Variants in STXBP5L observed in about 807,000 individuals in gnomAD.
STXBP5L encodes syntaxin-binding protein 5-like.
Under a neutral mutation model 144.5 loss-of-function variants are expected in STXBP5L, and 65 were observed. The observed-to-expected ratio is 0.45, with a 90% CI of 0.37 to 0.55. The LOEUF (loss-of-function observed/expected upper bound fraction) is 0.55, where lower values mean the gene tolerates loss of function less well. Among genes scored for constraint, STXBP5L ranks in the 20% least tolerant of loss-of-function variants. The pLI is 0.00. For synonymous variants in STXBP5L, 505 were observed against 469.6 expected (o/e 1.08, Z -0.97); for missense variants, 1,298 against 1,405.5 (o/e 0.92, Z 1.22).
chr3:121,290,779 C>CA (rs2051410272), intron 19 of STXBP5L, among the ~76,000 whole-genome samples: 3 of 151,928 alleles, frequency 2.0e-5, no homozygotes, highest in African/African-American at 7.2e-5. Flanking sequence ...TGTGATACAT[C>CA]ACGAAACAAA....
chr3:121,202,797 A>G (rs1282226115), intron 9 of STXBP5L, among the ~76,000 whole-genome samples: 1 of 151,984 alleles, frequency 6.6e-6, no homozygotes, highest in African/African-American at 2.4e-5. Flanking sequence ...TCTTTTGTAC[A>G]CACTGCTTTC....
rs572894751 is a variant in STXBP5L at position 121,135,585 on chromosome 3, G to T, written c.669+13881G>T. Among the ~76,000 whole-genome samples, 6 of 152,302 alleles carry T rather than the reference G, an allele frequency of 3.9e-5. No homozygotes were observed. The South Asian group carries it at 1.2e-3, about 32-fold the overall frequency. ...CATGCAACCTAGATCCCTTGCATGT[G>T]TACTTTACAGTAGGGTTCACAATCC... is the stretch of plus-strand genomic sequence containing the variant. On this transcript the variant is annotated intron_variant, in intron 7 of 26. Coordinates refer to ENST00000471454, the MANE Select transcript of STXBP5L (RefSeq NM_001308330.2).
chr3:120,995,852 A>G (rs993539908), intron 3 of STXBP5L, among the ~76,000 whole-genome samples: 6 of 152,126 alleles, frequency 3.9e-5, no homozygotes, highest in Admixed American at 6.6e-5. Flanking sequence ...TTCTTATGTT[A>G]CTATTTCCTC....
chr3:121,082,131 G>GT (rs1481524150), intron 5 of STXBP5L, among the ~76,000 whole-genome samples: 2 of 151,812 alleles, frequency 1.3e-5, no homozygotes, highest in Admixed American at 6.6e-5. Flanking sequence ...TTTAGAATAA[G>GT]TTTTTTTACT....
intron 18 of STXBP5L, among the ~76,000 whole-genome samples, chr3:121,268,706 G>T (rs529986372): frequency 6.6e-6 from 1 of 151,976 alleles, no homozygotes; most frequent in Non-Finnish European, 1.5e-5. Context: ...AAAAACCACG[G>T]CCACTTTCTA....
rs2043907645 is a variant in STXBP5L at position 121,319,761 on chromosome 3, A to G, written c.2176+1221A>G. Among the ~76,000 whole-genome samples the G allele has an allele frequency of 2.6e-5, 4 of 152,198 alleles. No homozygotes were observed. In the South Asian group the frequency reaches 6.2e-4, roughly 24 times the overall value. On this transcript the variant is annotated intron_variant, in intron 20 of 26. Transcript: ENST00000471454. ...TTTGATCATATTTTCCCATGCTTATAAATCTTCGATATAAAATATAATTCA... is the reference window on the plus strand; with the variant it reads ...TTTGATCATATTTTCCCATGCTTATGAATCTTCGATATAAAATATAATTCA...
intron 9 of STXBP5L, among the ~76,000 whole-genome samples, chr3:121,184,507 A>T (rs937168464): frequency 6.6e-6 from 1 of 151,852 alleles, no homozygotes; most frequent in Non-Finnish European, 1.5e-5. Context: ...TGAAGACAAG[A>T]TTAGAGAAAG....
intron 4 of STXBP5L, among the ~76,000 whole-genome samples, chr3:121,042,134 C>G (rs1947201669): frequency 6.6e-6 from 1 of 151,842 alleles, no homozygotes; most frequent in Admixed American, 6.6e-5. Flanking sequence ...TAAGGCCTAA[C>G]TTCATATTTT....
At position 121,370,489 on chromosome 3, in the gene STXBP5L, C is replaced by T. The variant is rs571434035; in HGVS notation, c.2177-8227C>T. ...CTCAGAAGCAGAAGCCTGTACAGCC[C>T]GAAGAACCATGAGTTAACTAAACAC... On this transcript the variant is annotated intron_variant, in intron 20 of 26. Transcript: ENST00000471454. Among the ~76,000 whole-genome samples, 65 of 152,244 alleles carry T rather than the reference C, an allele frequency of 4.3e-4. No homozygotes were observed. In the South Asian group the frequency reaches 0.01, roughly 24 times the overall value.
chr3:120,961,962 C>T (rs1938883643), intron 3 of STXBP5L, among the ~76,000 whole-genome samples: 1 of 152,208 alleles, frequency 6.6e-6, no homozygotes, highest in South Asian at 2.1e-4. Context: ...TAATGATTGC[C>T]ATTCCAACTG....
intron 3 of STXBP5L, among the ~76,000 whole-genome samples, chr3:120,968,046 A>G (rs1939805825): frequency 6.6e-6 from 1 of 152,174 alleles, no homozygotes; most frequent in Admixed American, 6.6e-5. Context: ...AGAATGTTGC[A>G]TGTGCTGTTG....
chr3:120,958,279 CA>C (rs1938286657), intron 3 of STXBP5L, among the ~76,000 whole-genome samples: 1 of 151,836 alleles, frequency 6.6e-6, no homozygotes, highest in South Asian at 2.1e-4. Flanking sequence ...GCTTACCAAC[CA>C]AAAAAAGTCC....
chr3:121,055,182 AC>A (rs1358760040), intron 5 of STXBP5L, among the ~76,000 whole-genome samples: 8 of 152,210 alleles, frequency 5.3e-5, no homozygotes, highest in African/African-American at 1.9e-4. Context: ...TTGTCATGTA[AC>A]ATGAGAATAT....
chr3:121,103,167 C>T (rs562620083), intron 5 of STXBP5L, among the ~76,000 whole-genome samples: 2 of 152,040 alleles, frequency 1.3e-5, no homozygotes, highest in Admixed American at 6.6e-5. Flanking sequence ...AACTGAGCTA[C>T]CATTTGACCC....
chr3:121,176,768 A>G (rs77722806), intron 9 of STXBP5L, among the ~76,000 whole-genome samples: 21,003 of 151,852 alleles, frequency 0.14, 1,634 homozygotes, highest in South Asian at 0.27. Context: ...AAAAGGCATG[A>G]GAACAACCAA....
chr3:121,260,041 G>T (rs1197157473), intron 18 of STXBP5L, among the ~76,000 whole-genome samples: 1 of 151,974 alleles, frequency 6.6e-6, no homozygotes, highest in African/African-American at 2.4e-5. Flanking sequence ...CACAGAGGTT[G>T]TGTCAAACTA....
At chr3:121,135,158 G>A (rs1249260296) in intron 7 of STXBP5L, among the ~76,000 whole-genome samples, 1 of 152,178 alleles carries the variant, frequency 6.6e-6, no homozygotes, top group Non-Finnish European at 1.5e-5. Flanking sequence ...GATGGCCAGT[G>A]ATGATGAGCA....
chr3:121,054,646 G>A (rs914914770), intron 5 of STXBP5L, among the ~76,000 whole-genome samples: 2 of 150,542 alleles, frequency 1.3e-5, no homozygotes, highest in African/African-American at 2.4e-5. Context: ...GGTAAATGAC[G>A]AGTTAATGGG....
At chr3:121,118,101 G>A (rs1481071522) in intron 6 of STXBP5L, among the ~76,000 whole-genome samples, 1 of 151,590 alleles carries the variant, frequency 6.6e-6, no homozygotes, top group Non-Finnish European at 1.5e-5. Context: ...CATGTTTACT[G>A]AGCTCTATTA....
Sources: allele counts gnomAD v4.1 joint callset (sites outside exome capture counted in the v4.1 genomes callset), GRCh38; gene constraint gnomAD v4.1.1; transcripts MANE v1.5; gene names NCBI Gene and HGNC (gene_info 2026-07-23, HGNC 2026-07-21).